The following IL1RAPL2 variants were observed in gnomAD, a reference collection of about 807,000 sequenced individuals.
IL1RAPL2 encodes the protein X-linked interleukin-1 receptor accessory protein-like 2.
IL1RAPL2 carries 3 observed loss-of-function variants against 44.1 expected under a neutral mutation model. That is an observed-to-expected ratio of 0.07 (90% CI 0.03 to 0.18). The LOEUF (loss-of-function observed/expected upper bound fraction) is 0.18. IL1RAPL2 is among the 10% of genes least tolerant of loss of function. The pLI is 1.00. For synonymous variants in IL1RAPL2, 181 were observed against 178.8 expected, an observed-to-expected ratio of 1.01 and a Z score of -0.10; for missense variants, 391 against 496.4, an observed-to-expected ratio of 0.79 and a Z score of 2.02.
chrX:104,805,157 G>A (rs188679534), intron 2 of IL1RAPL2, among the ~76,000 whole-genome samples: 1 of 111,554 alleles, frequency 9.0e-6, no homozygotes, highest in Admixed American at 9.5e-5. Context: ...CCCACCCAGA[G>A]TTAATCACAT....
chrX:105,406,378 T>G, intron 5 of IL1RAPL2: 1 of 1,056,479 alleles, frequency 9.5e-7, no homozygotes, highest in Non-Finnish European at 1.3e-6. Context: ...ATTTATTGGG[T>G]GTGTTAGAAG....
intron 6 of IL1RAPL2, among the ~76,000 whole-genome samples, chrX:105,554,389 A>G (rs1444995412): frequency 7.1e-5 from 8 of 112,222 alleles, no homozygotes; most frequent in Non-Finnish European, 1.5e-4. Flanking sequence ...AATTTTGATT[A>G]TAATATATCT....
chrX:105,282,708 ACT>A (rs917236712), intron 5 of IL1RAPL2, among the ~76,000 whole-genome samples: 7 of 111,210 alleles, frequency 6.3e-5, no homozygotes, highest in African/African-American at 2.3e-4. Flanking sequence ...GTGTCTGATA[ACT>A]CTCTCTAGCT....
intron 1 of IL1RAPL2, among the ~76,000 whole-genome samples, chrX:104,631,801 C>T (rs1929656234): frequency 1.8e-5 from 2 of 110,745 alleles, no homozygotes; most frequent in South Asian, 7.8e-4. Context: ...TGCCTGTTCA[C>T]TCTGATGGTA....
chrX:104,968,071 G>A (rs2030161357), intron 2 of IL1RAPL2, among the ~76,000 whole-genome samples: 1 of 110,967 alleles, frequency 9.0e-6, no homozygotes, highest in South Asian at 3.7e-4. Context: ...TCCAAAAGTA[G>A]ATAAAGACAA....
chrX:105,070,236 C>A (rs919095892), intron 2 of IL1RAPL2, among the ~76,000 whole-genome samples: 1 of 111,689 alleles, frequency 9.0e-6, no homozygotes, highest in African/African-American at 3.3e-5. Flanking sequence ...AACAGCTAAG[C>A]AGAATCCCTT....
chrX:105,600,860 G>A (rs371368150), intron 6 of IL1RAPL2, among the ~76,000 whole-genome samples: 6 of 110,704 alleles, frequency 5.4e-5, no homozygotes, highest in African/African-American at 2.0e-4. Context: ...TCCAATTGAT[G>A]GTTCCACTAG....
chrX:104,934,545 G>A (rs1242717466), intron 2 of IL1RAPL2, among the ~76,000 whole-genome samples: 1 of 111,228 alleles, frequency 9.0e-6, no homozygotes, highest in Admixed American at 9.6e-5. Context: ...TGAAAAAGAC[G>A]AAGATATGAC....
chrX:105,041,901 A>G (rs1250394234), intron 2 of IL1RAPL2, among the ~76,000 whole-genome samples: 185 of 111,104 alleles, frequency 1.7e-3, no homozygotes, highest in African/African-American at 5.3e-3. Flanking sequence ...GGAACAGAAG[A>G]GAGCCCTCAG....
At chrX:105,263,757 G>C (rs2034379132) in intron 4 of IL1RAPL2, among the ~76,000 whole-genome samples, 1 of 111,264 alleles carries the variant, frequency 9.0e-6, no homozygotes, top group Non-Finnish European at 1.9e-5. Context: ...TACTCTATGA[G>C]GGGATAGCAA....
At chrX:104,753,840 G>A (rs967207615) in intron 2 of IL1RAPL2, among the ~76,000 whole-genome samples, 3 of 111,681 alleles carry the variant, frequency 2.7e-5, no homozygotes, top group African/African-American at 6.5e-5. Flanking sequence ...GCATATATAT[G>A]CAGCATATTT....
At chrX:104,835,544 T>G (rs1406240505) in intron 2 of IL1RAPL2, among the ~76,000 whole-genome samples, 1 of 111,875 alleles carries the variant, frequency 8.9e-6, no homozygotes, top group East Asian at 2.8e-4. Flanking sequence ...TAGATTTGAA[T>G]TTTTTTGACT....
intron 6 of IL1RAPL2, among the ~76,000 whole-genome samples, chrX:105,578,880 A>G (rs1217879853): frequency 1.8e-5 from 2 of 112,007 alleles, no homozygotes; most frequent in Non-Finnish European, 3.8e-5. Flanking sequence ...TTGTGAAGCT[A>G]TCTTGTAATT....
At chrX:105,344,562 C>A (rs1355457690) in intron 5 of IL1RAPL2, among the ~76,000 whole-genome samples, 2 of 111,876 alleles carry the variant, frequency 1.8e-5, no homozygotes, top group African/African-American at 3.2e-5. Context: ...AAATTCCTAT[C>A]CCTCATACAG....
chrX:104,760,499 A>G (rs1421641342), intron 2 of IL1RAPL2, among the ~76,000 whole-genome samples: 2 of 111,695 alleles, frequency 1.8e-5, no homozygotes, highest in African/African-American at 6.5e-5. Flanking sequence ...GTGATATCTC[A>G]TTGCAGTTTT....
rs1404218091 is a variant in IL1RAPL2 at position 105,132,322 on chromosome X, G to A, written c.83-63153G>A. ...AAATTCAACCAGAATGTTGTCAAATGCATTGAGCCTTTTAAAGTTTTATTG... is the reference window on the plus strand; with the variant it reads ...AAATTCAACCAGAATGTTGTCAAATACATTGAGCCTTTTAAAGTTTTATTG... On this transcript the variant is annotated intron_variant, in intron 2 of 10. Coordinates refer to ENST00000372582, the MANE Select transcript of IL1RAPL2 (RefSeq NM_017416.2). Among the ~76,000 whole-genome samples, 3 of 110,533 alleles carry A rather than the reference G, an allele frequency of 2.7e-5. No individual in the cohort carries two copies. In the East Asian group the frequency reaches 8.5e-4, roughly 31 times the overall value.
Position 105,195,685 on chromosome X carries a change from A to G in IL1RAPL2, c.293A>G (p.Glu98Gly). 8.3e-7 allele frequency: 1 copy of G among 1,211,394 alleles called. No individual in the cohort carries two copies. Among genetic ancestry groups the G allele is most frequent in the Non-Finnish European group, 1.1e-6 (1 of 894,971 alleles). The change falls in exon 3 of 11, where the codon GAA (glutamate) becomes GGA (glycine). Residue 98 changes from glutamate to glycine, a missense_variant. By Grantham distance (98) the Glu-to-Gly change is moderately conservative. Around this residue, in one of 2 missense-constraint regions of IL1RAPL2, gnomAD observed 159 missense variants for 251.7 expected, o/e 0.63. Transcript: ENST00000372582. ...TCAGAGGTCAGGATGAGCAAAGAGGAAGATTCAATATGGTTTCACTCAGCT... is the reference window on the plus strand; with the variant it reads ...TCAGAGGTCAGGATGAGCAAAGAGGGAGATTCAATATGGTTTCACTCAGCT... ...IFSEVRMSKE[E>G]DSIWFHSAEA...
chrX:105,114,926 C>T (rs2032838579), intron 2 of IL1RAPL2, among the ~76,000 whole-genome samples: 1 of 111,467 alleles, frequency 9.0e-6, no homozygotes, highest in Admixed American at 9.6e-5. Context: ...AATGAGATAC[C>T]ACATGCCAAC....
intron 5 of IL1RAPL2, among the ~76,000 whole-genome samples, chrX:105,338,277 G>C (rs750747410): frequency 8.9e-6 from 1 of 111,790 alleles, no homozygotes; most frequent in African/African-American, 3.2e-5. Flanking sequence ...ATTGTAACTA[G>C]AATTACTCAT....
Sources: allele counts gnomAD v4.1 joint callset (sites outside exome capture counted in the v4.1 genomes callset), GRCh38; gene constraint gnomAD v4.1.1; regional missense constraint gnomAD v4.1.1; transcripts MANE v1.5; gene names NCBI Gene and HGNC (gene_info 2026-07-23, HGNC 2026-07-21).